The following C10orf67 variants were observed in gnomAD, a reference collection of about 807,000 sequenced individuals.
C10orf67 encodes the protein uncharacterized protein C10orf67, mitochondrial.
C10orf67 carries 60 observed loss-of-function variants against 35.6 expected under a neutral mutation model. The observed-to-expected ratio is 1.68, with a 90% CI of 1.37 to 2.09. The LOEUF (loss-of-function observed/expected upper bound fraction) is 2.09, where lower values mean the gene tolerates loss of function less well. Ranked by LOEUF, C10orf67 falls within the 30% of genes most tolerant of loss-of-function variation. C10orf67 has a pLI of 0.00. For missense variants in C10orf67, 474 were observed against 330.2 expected (o/e 1.44, Z -3.38); for synonymous variants, 167 against 115.8 (o/e 1.44, Z -2.84).
intron 15 of C10orf67, among the ~76,000 whole-genome samples, chr10:23,208,086 G>A (rs1286313647): frequency 6.6e-6 from 1 of 152,120 alleles, no homozygotes; most frequent in Non-Finnish European, 1.5e-5. Flanking sequence ...GTCTCTAAAA[G>A]GATTTTCATT....
At chr10:23,337,276 G>A (rs189106196) in intron 1 of C10orf67, among the ~76,000 whole-genome samples, 2 of 152,342 alleles carry the variant, frequency 1.3e-5, no homozygotes, top group African/African-American at 4.8e-5. Flanking sequence ...GCTCACACCT[G>A]TAACCTCAGC....
At chr10:23,228,585 G>A (rs1278704356) in intron 13 of C10orf67, among the ~76,000 whole-genome samples, 1 of 152,090 alleles carries the variant, frequency 6.6e-6, no homozygotes, top group Non-Finnish European at 1.5e-5. Flanking sequence ...CAAAATTGAT[G>A]AATGGGATCT....
intron 2 of C10orf67, among the ~76,000 whole-genome samples, chr10:23,330,673 G>A (rs1251251380): frequency 6.6e-6 from 1 of 151,498 alleles, no homozygotes; most frequent in Non-Finnish European, 1.5e-5. Flanking sequence ...CTGAGAGGCG[G>A]AGGTTGCAGT....
Position 23,281,945 on chromosome 10 carries a change from TA to T in C10orf67, c.975+67del, listed in dbSNP as rs1843378799. The T allele has an allele frequency of 7.6e-6, 4 of 523,626 alleles. No homozygotes were observed. In the East Asian group the frequency reaches 1.0e-4, roughly 13 times the overall value. The allele number at this position is 523,626 out of a possible 1,614,324, so 32.4% of individuals were successfully genotyped here. A position where few individuals can be genotyped will look rare whatever the true frequency, so the allele number is the denominator to read the frequency against. On this transcript the variant is annotated intron_variant, in intron 8 of 15. Coordinates refer to ENST00000636213, the MANE Select transcript of C10orf67 (RefSeq NM_001371909.1). ...AGGAAACAATCACAAATAAAGTTTATAAAACTTTCATGGTTAAATTAAATTC... is the reference window on the plus strand; with the variant it reads ...AGGAAACAATCACAAATAAAGTTTATAAACTTTCATGGTTAAATTAAATTC...
At chr10:23,293,542 T>G (rs1588661811) in intron 5 of C10orf67, among the ~76,000 whole-genome samples, 1 of 152,142 alleles carries the variant, frequency 6.6e-6, no homozygotes, top group East Asian at 1.9e-4. Flanking sequence ...AAAAATAAAC[T>G]GCCTTAATAA....
intron 4 of C10orf67, among the ~76,000 whole-genome samples, chr10:23,314,190 AAAC>A (rs111850972): frequency 1.3e-5 from 2 of 151,360 alleles, no homozygotes; most frequent in Admixed American, 6.6e-5. Context: ...TCTGTTTCAA[AAAC>A]AACAACAACA....
At chr10:23,227,758 A>G (rs1419489066) in intron 13 of C10orf67, among the ~76,000 whole-genome samples, 2 of 152,222 alleles carry the variant, frequency 1.3e-5, no homozygotes, top group African/African-American at 4.8e-5. Flanking sequence ...TACAAAATCA[A>G]TGTGCAAAAA....
chr10:23,331,544 G>C (rs1474386574), intron 2 of C10orf67, among the ~76,000 whole-genome samples: 2 of 80,158 alleles, frequency 2.5e-5, no homozygotes, highest in Non-Finnish European at 2.5e-5. Flanking sequence ...GAAGGGAAAA[G>C]GGAAGGGAAG....
chr10:23,209,645 C>T (rs1488334152), intron 15 of C10orf67, among the ~76,000 whole-genome samples: 1 of 152,040 alleles, frequency 6.6e-6, no homozygotes, highest in Non-Finnish European at 1.5e-5. Context: ...CTGTGGTGAT[C>T]ATTTCTCTTA....
At chr10:23,218,774 T>A (rs1220925237) in intron 15 of C10orf67, among the ~76,000 whole-genome samples, 1 of 152,202 alleles carries the variant, frequency 6.6e-6, no homozygotes, top group Non-Finnish European at 1.5e-5. Context: ...CTAACATTTT[T>A]ATGGCCATCA....
chr10:23,295,245 C>T (rs1324169193), intron 5 of C10orf67, among the ~76,000 whole-genome samples: 1 of 152,212 alleles, frequency 6.6e-6, no homozygotes, highest in East Asian at 1.9e-4. Context: ...AGCCAGAGAA[C>T]AGCCTGCTTA....
intron 2 of C10orf67, among the ~76,000 whole-genome samples, chr10:23,322,851 T>C (rs909631512): frequency 5.3e-5 from 8 of 152,022 alleles, no homozygotes; most frequent in East Asian, 1.9e-4. Flanking sequence ...TATATATATA[T>C]ACACACATTA....
intron 15 of C10orf67, among the ~76,000 whole-genome samples, chr10:23,213,188 G>T (rs988195750): frequency 2.0e-5 from 3 of 152,100 alleles, no homozygotes; most frequent in Non-Finnish European, 4.4e-5. Flanking sequence ...TACTATTGAA[G>T]AATTCACCCA....
chr10:23,252,082 T>C (rs1300702730), intron 10 of C10orf67, among the ~76,000 whole-genome samples: 1 of 152,188 alleles, frequency 6.6e-6, no homozygotes, highest in Non-Finnish European at 1.5e-5. Context: ...CTGTTTTGCT[T>C]TCAAAAAAAT....
chr10:23,221,234 G>A (rs1038067266), intron 15 of C10orf67, among the ~76,000 whole-genome samples: 11 of 151,906 alleles, frequency 7.2e-5, no homozygotes, highest in Admixed American at 6.6e-4. Flanking sequence ...AGGAGAGAGC[G>A]AGAGAGAGAG....
chr10:23,236,248 C>A (rs533232541), intron 13 of C10orf67, among the ~76,000 whole-genome samples: 313 of 87,966 alleles, frequency 3.6e-3, no homozygotes, highest in Non-Finnish European at 5.0e-3. Flanking sequence ...GACTCCCTCT[C>A]GGGGGAAAAA....
intron 13 of C10orf67, among the ~76,000 whole-genome samples, chr10:23,224,449 A>C (rs1801089480): frequency 6.6e-6 from 1 of 152,208 alleles, no homozygotes; most frequent in African/African-American, 2.4e-5. Context: ...AGAAAAGCTG[A>C]AAATTCTAAA....
At chr10:23,323,354 C>T (rs1845032429) in intron 2 of C10orf67, among the ~76,000 whole-genome samples, 1 of 152,072 alleles carries the variant, frequency 6.6e-6, no homozygotes, top group South Asian at 2.1e-4. Context: ...ACTAGGGCTC[C>T]CACCTGTAAT....
At chr10:23,309,103 A>G (rs1379929111) in intron 4 of C10orf67, among the ~76,000 whole-genome samples, 3 of 152,200 alleles carry the variant, frequency 2.0e-5, no homozygotes, top group Admixed American at 2.0e-4. Flanking sequence ...TTGCAGCACT[A>G]TTCACAATGG....
Sources: gnomAD v4.1 joint callset for allele counts (sites outside exome capture counted in the v4.1 genomes callset) on GRCh38, gnomAD v4.1.1 for gene constraint, MANE v1.5 for transcripts, NCBI Gene and HGNC (gene_info 2026-07-23, HGNC 2026-07-21) for gene names.